Variants in TMEM59 observed in about 807,000 individuals in gnomAD.
TMEM59 encodes transmembrane protein 59, also known as dendritic cell factor 1.
In TMEM59, 44 loss-of-function variants were observed where a neutral mutation model predicts 42.2. The observed-to-expected ratio is 1.04, with a 90% CI of 0.82 to 1.34. The LOEUF is 1.34. Among genes scored for constraint, TMEM59 ranks in the 40% most tolerant of loss-of-function variants. The probability of loss-of-function intolerance (pLI) is 0.00; values close to 1 mark genes in which losing one functional copy is unlikely to be tolerated. For synonymous variants in TMEM59, 148 were observed against 145.8 expected (o/e 1.02, Z -0.11); for missense variants, 359 against 382.8 (o/e 0.94, Z 0.52).
At chr1:54,044,514 T>TG (rs1181332043) in intron 3 of TMEM59, 1 of 146,640 alleles carries the variant, frequency 6.8e-6, no homozygotes, top group African/African-American at 2.5e-5. Flanking sequence ...ATCTGTTTTT[T>TG]TTTTTTTTTT....
chr1:54,042,834 T>A (rs577085964), intron 4 of TMEM59, among the ~76,000 whole-genome samples: 1 of 152,296 alleles, frequency 6.6e-6, no homozygotes, highest in East Asian at 1.9e-4. Flanking sequence ...ATAAAGTTGT[T>A]TGAAGATGTG....
In TMEM59 at chr1:54,040,884, G is replaced by GAA; in HGVS notation, c.626-48_626-47insTT. On this transcript the variant is annotated intron_variant, in intron 5 of 7. Transcript: ENST00000234831. ...GTTTATTATATCCTATATTCCAAAAGCTAGTCTCACATGACTACTTCTAGA... is the reference window on the plus strand; with the variant it reads ...GTTTATTATATCCTATATTCCAAAAGAACTAGTCTCACATGACTACTTCTAGA... The GAA allele has an allele frequency of 2.7e-6, 4 of 1,495,052 alleles. No homozygotes were observed. In the South Asian group the frequency reaches 4.5e-5, roughly 17 times the overall value. 92.6% of individuals were successfully genotyped at this position (1,495,052 alleles called of 1,614,324 possible).
chr1:54,044,740 A>G (rs1237368063), intron 3 of TMEM59: 1 of 152,158 alleles, frequency 6.6e-6, no homozygotes, highest in African/African-American at 2.4e-5. Flanking sequence ...AATAGGTATC[A>G]TTTACAAAAG....
chr1:54,045,558 A>G, intron 3 of TMEM59, 134 bp downstream of exon 3: 1 of 771,466 alleles, frequency 1.3e-6, no homozygotes, highest in East Asian at 2.6e-5. Flanking sequence ...TCTATTTGCA[A>G]ACTAATTTTG....
chr1:54,033,607 A>C (rs1164604815), intron 7 of TMEM59: 2 of 150,874 alleles, frequency 1.3e-5, no homozygotes, highest in East Asian at 2.0e-4. Flanking sequence ...GTCTCACAAA[A>C]AAAAAAAAAA....
intron 7 of TMEM59, chr1:54,033,535 G>A (rs1351512251): frequency 4.7e-5 from 7 of 147,848 alleles, no homozygotes; most frequent in African/African-American, 1.5e-4. Context: ...CCGGGAGGCA[G>A]AGATTGCAGT....
intron 4 of TMEM59, among the ~76,000 whole-genome samples, chr1:54,042,589 A>G (rs1184177600): frequency 1.3e-5 from 2 of 152,218 alleles, no homozygotes; most frequent in African/African-American, 4.8e-5. Context: ...ACTTAGCTAC[A>G]GTACTTAAAA....
At chr1:54,035,596 T>C (rs1158102122) in intron 7 of TMEM59, among the ~76,000 whole-genome samples, 1 of 151,342 alleles carries the variant, frequency 6.6e-6, no homozygotes, top group Non-Finnish European at 1.5e-5. Context: ...CAACTCAAAA[T>C]CAAACACTCC....
chr1:54,047,408 A>G (rs1308169575), intron 1 of TMEM59, 36 bp from the exon 2 acceptor site: 1 of 1,563,686 alleles, frequency 6.4e-7, no homozygotes, highest in East Asian at 2.3e-5. Context: ...TTACCAAAAA[A>G]TAGTATTTTT....
At chr1:54,045,239 T>C (rs1000364078) in intron 3 of TMEM59, among the ~76,000 whole-genome samples, 5 of 151,852 alleles carry the variant, frequency 3.3e-5, no homozygotes, top group Non-Finnish European at 7.4e-5. Flanking sequence ...TGATGAAATT[T>C]AGAAAAAAAA....
At chr1:54,045,527 A>G (rs41538044) in intron 3 of TMEM59, 165 bp downstream of exon 3, 28,390 of 597,492 alleles carry the variant, frequency 0.048, 2,074 homozygotes, top group African/African-American at 0.26. Flanking sequence ...ATTATACAAA[A>G]GCAATTATTC....
At chr1:54,032,903 T>C (rs915374460) in intron 7 of TMEM59, among the ~76,000 whole-genome samples, 1 of 151,514 alleles carries the variant, frequency 6.6e-6, no homozygotes, top group African/African-American at 2.4e-5. Flanking sequence ...GACTTAGATA[T>C]ATGTATGAAT....
intron 7 of TMEM59, chr1:54,033,539 T>C (rs1224231824): frequency 1.3e-5 from 2 of 149,370 alleles, no homozygotes. Flanking sequence ...GAGGCAGAGA[T>C]TGCAGTGGGG....
chr1:54,046,481 C>T (rs1352171685), intron 2 of TMEM59, among the ~76,000 whole-genome samples: 3 of 152,068 alleles, frequency 2.0e-5, no homozygotes, highest in African/African-American at 2.4e-5. Flanking sequence ...TACCACTATC[C>T]TAATTTTATT....
At chr1:54,050,415 G>A (rs972944969) in intron 1 of TMEM59, among the ~76,000 whole-genome samples, 1 of 151,938 alleles carries the variant, frequency 6.6e-6, no homozygotes, top group Non-Finnish European at 1.5e-5. Context: ...GAGCCACCGC[G>A]CCCAGCCTAA....
chr1:54,045,459 A>C, intron 3 of TMEM59: 1 of 462,288 alleles, frequency 2.2e-6, no homozygotes, highest in Non-Finnish European at 3.9e-6. Context: ...TCTTCACTGG[A>C]ATGTGAGAAG....
intron 6 of TMEM59, among the ~76,000 whole-genome samples, chr1:54,038,671 T>C (rs1233311505): frequency 6.6e-6 from 1 of 152,116 alleles, no homozygotes; most frequent in Non-Finnish European, 1.5e-5. Flanking sequence ...TACAGCAGAA[T>C]AGGATGAGCA....
intron 1 of TMEM59, among the ~76,000 whole-genome samples, chr1:54,052,521 A>C (rs1418310910): frequency 6.6e-6 from 1 of 152,166 alleles, no homozygotes; most frequent in Non-Finnish European, 1.5e-5. Context: ...TTTATACCAC[A>C]GTGGAATCGT....
Position 54,052,974 on chromosome 1 carries a change from C to CATT in TMEM59, c.189+25_189+26insAAT, listed in dbSNP as rs768670749. ...GAGAAATGGGCTGCAAGGGAAGGGT[C>CATT]GCAGCCCGCTCCGGACGGGCCCTAC... On this transcript the variant is annotated intron_variant, in intron 1 of 7. Coordinates refer to ENST00000234831, the MANE Select transcript of TMEM59 (RefSeq NM_004872.5). 1.0e-5 allele frequency: 16 copies of CATT among 1,594,560 alleles called. No homozygotes were observed. In the Admixed American group the frequency reaches 2.7e-4, roughly 27 times the overall value.
Sources: gnomAD v4.1 joint callset for allele counts (sites outside exome capture counted in the v4.1 genomes callset) on GRCh38, gnomAD v4.1.1 for gene constraint, MANE v1.5 for transcripts, NCBI Gene and HGNC (gene_info 2026-07-23, HGNC 2026-07-21) for gene names.